LRRFIP2: variants seen among roughly 807,000 people sequenced by gnomAD.
LRRFIP2 encodes the protein leucine-rich repeat flightless-interacting protein 2.
Under a neutral mutation model 125.9 loss-of-function variants are expected in LRRFIP2, and 109 were observed. The observed-to-expected ratio is 0.87, with a 90% CI of 0.74 to 1.01. The LOEUF is 1.01. Ranked by LOEUF, LRRFIP2 falls within the 50% of genes least tolerant of loss-of-function variation. The pLI is 0.00. For synonymous variants in LRRFIP2, 291 were observed against 293.1 expected, an observed-to-expected ratio of 0.99 and a Z score of 0.07; for missense variants, 850 against 862.3, an observed-to-expected ratio of 0.99 and a Z score of 0.18.
intron 6 of LRRFIP2, among the ~76,000 whole-genome samples, chr3:37,116,628 T>C (rs2094801897): frequency 6.6e-6 from 1 of 152,114 alleles, no homozygotes; most frequent in Non-Finnish European, 1.5e-5. Context: ...TTTCTTGTTG[T>C]AGAGATCACA....
intron 13 of LRRFIP2, among the ~76,000 whole-genome samples, chr3:37,106,348 C>A (rs566745900): frequency 2.0e-5 from 3 of 152,174 alleles, no homozygotes; most frequent in Non-Finnish European, 4.4e-5. Flanking sequence ...ATGGCTCTGT[C>A]ATCTTCTTGC....
At chr3:37,160,117 G>A (rs2096296565) in intron 1 of LRRFIP2, among the ~76,000 whole-genome samples, 1 of 151,498 alleles carries the variant, frequency 6.6e-6, no homozygotes. Context: ...CTATTCTCCA[G>A]GATACCAGAA....
rs751724195 is a variant in LRRFIP2 at position 37,115,094 on chromosome 3, T to C, written c.332A>G (p.Tyr111Cys). ...TGATGATCTATCCTTGAACATATCA[T>C]ACTGGGTTTCAGCAAAACATGAAAG... Reference protein sequence around the residue: ...LSIRSVGSHRYDMFKDRSSRL... With the variant: ...LSIRSVGSHRCDMFKDRSSRL... The change falls in exon 7 of 28, where the codon TAT becomes TGT. Residue 111 changes from tyrosine to cysteine, a missense_variant and splice_region_variant. Physicochemically the swap from Tyr to Cys is radical, Grantham distance 194. Transcript: ENST00000336686. 5.7e-6 allele frequency: 9 copies of C among 1,591,932 alleles called. No homozygotes were observed. In the African/African-American group the frequency reaches 8.0e-5, roughly 14 times the overall value.
intron 2 of LRRFIP2, among the ~76,000 whole-genome samples, chr3:37,138,377 G>A (rs926856930): frequency 3.9e-5 from 6 of 152,222 alleles, no homozygotes; most frequent in African/African-American, 1.4e-4. Context: ...CAAGTAGGAG[G>A]AACCTATTCA....
intron 2 of LRRFIP2, chr3:37,135,005 G>A (rs2095521816): frequency 4.6e-6 from 7 of 1,519,538 alleles, no homozygotes; most frequent in Non-Finnish European, 5.5e-6. Flanking sequence ...TCCAAACCCA[G>A]ATGACCCCCT....
At chr3:37,156,075 A>G (rs2096181165) in intron 1 of LRRFIP2, among the ~76,000 whole-genome samples, 2 of 152,060 alleles carry the variant, frequency 1.3e-5, no homozygotes, top group African/African-American at 2.4e-5. Context: ...GGGCTACACC[A>G]TGTTAGCCAG....
chr3:37,087,592 CTT>C (rs764949237), intron 18 of LRRFIP2, among the ~76,000 whole-genome samples: 12 of 144,930 alleles, frequency 8.3e-5, no homozygotes, highest in East Asian at 2.0e-4. Context: ...TTAAATGCTT[CTT>C]TTTTTTTTTT....
intron 2 of LRRFIP2, among the ~76,000 whole-genome samples, chr3:37,130,596 A>C (rs1391254979): frequency 6.6e-6 from 1 of 152,224 alleles, no homozygotes; most frequent in Non-Finnish European, 1.5e-5. Flanking sequence ...AGAAATAAAC[A>C]ATTCATAAGT....
chr3:37,059,919 A>C (rs2088071962), intron 24 of LRRFIP2, among the ~76,000 whole-genome samples: 1 of 152,154 alleles, frequency 6.6e-6, no homozygotes, highest in South Asian at 2.1e-4. Context: ...CAATGGGAAA[A>C]GGGTAAGCTC....
At chr3:37,146,950 T>C (rs532778498) in intron 2 of LRRFIP2, among the ~76,000 whole-genome samples, 1 of 151,942 alleles carries the variant, frequency 6.6e-6, no homozygotes, top group Non-Finnish European at 1.5e-5. Flanking sequence ...GGGAGAAAAT[T>C]TTTGCAATCT....
At chr3:37,081,759 G>A (rs6550451) in intron 19 of LRRFIP2, among the ~76,000 whole-genome samples, 60,851 of 151,410 alleles carry the variant, frequency 0.4, 12,824 homozygotes, top group Non-Finnish European at 0.46. Context: ...GTGGTGGTAC[G>A]TGCCTGTAGT....
chr3:37,155,827 T>A (rs948850635), intron 1 of LRRFIP2, among the ~76,000 whole-genome samples: 6 of 152,162 alleles, frequency 3.9e-5, no homozygotes, highest in African/African-American at 1.4e-4. Context: ...AGATGGTAGG[T>A]ACATGAGTGT....
intron 25 of LRRFIP2, among the ~76,000 whole-genome samples, chr3:37,056,098 T>C (rs188016730): frequency 2.0e-5 from 3 of 152,318 alleles, no homozygotes; most frequent in Non-Finnish European, 4.4e-5. Context: ...CCTATGTACC[T>C]AGCCAAGTGC....
Position 37,109,576 on chromosome 3 carries a change from GA to G in LRRFIP2, c.565-6del. On this transcript the variant is annotated splice_polypyrimidine_tract_variant and splice_region_variant and intron_variant, in intron 10 of 27. Coordinates refer to ENST00000336686, the MANE Select transcript of LRRFIP2 (RefSeq NM_006309.4). The stretch of plus-strand genomic sequence containing the variant: ...AGAATTTGCAGTAGGAGAGGCCTAA[GA>G]AAAAAGTGTATTATTAAACCCCAAA... 2 of 1,613,822 alleles carry G rather than the reference GA, an allele frequency of 1.2e-6. No homozygotes were observed. Among genetic ancestry groups the G allele is most frequent in the Middle Eastern group, 1.6e-4 (1 of 6,062 alleles).
In LRRFIP2 at chr3:37,054,420, T is replaced by C; in HGVS notation, c.2046A>G (p.Leu682=). The stretch of plus-strand genomic sequence containing the variant: ...ATATTAAAAGAAGTACCTCTCGTTG[T>C]AGCTTCCGTTTTTCTGCTTTCAATT... ...EDELKAEKRK[L]QRELRTALDK... Residue 682 remains leucine (L), a synonymous_variant, in exon 27 of 28, where the codon CTA becomes CTG. Transcript: ENST00000336686. 1 of 1,612,900 alleles carries C rather than the reference T, an allele frequency of 6.2e-7. No individual in the cohort carries two copies. Among genetic ancestry groups the C allele is most frequent in the Non-Finnish European group, 8.5e-7 (1 of 1,179,010 alleles).
chr3:37,110,981 T>A lies in LRRFIP2; in HGVS notation c.513+10A>T. 4 of 1,612,314 alleles carry A rather than the reference T, an allele frequency of 2.5e-6. No individual in the cohort carries two copies. Among genetic ancestry groups the A allele is most frequent in the Non-Finnish European group, 3.4e-6 (4 of 1,179,286 alleles). ...ATCAAACACATAAAGCCAAAAAAGT[T>A]TAGACAAACCCGAGTGTAGTAGGCA... On this transcript the variant is annotated intron_variant, in intron 9 of 27. Coordinates refer to ENST00000336686, the MANE Select transcript of LRRFIP2 (RefSeq NM_006309.4).
In LRRFIP2 at chr3:37,136,231, T is replaced by C. The variant is rs77381507; in HGVS notation, c.91-7082A>G. 9.2e-3 allele frequency among the ~76,000 whole-genome samples: 1,397 copies of C among 152,220 alleles called. 25 individuals carry two copies. The highest frequency in any genetic ancestry group is 0.032 in the African/African-American group (1,330 of 41,516). On this transcript the variant is annotated intron_variant, in intron 2 of 27. Transcript: ENST00000336686. ...TTCAATTTATATGAAATGTCCAGAA[T>C]AGGCAAAAACATAAAGACAGAAAGT...
intron 1 of LRRFIP2, among the ~76,000 whole-genome samples, chr3:37,151,211 T>C (rs2096012623): frequency 6.6e-6 from 1 of 151,830 alleles, no homozygotes; most frequent in Non-Finnish European, 1.5e-5. Flanking sequence ...ATACAAAAAT[T>C]AGCTGGGCGA....
At chr3:37,098,278 T>TG (rs2093826659) in intron 15 of LRRFIP2, among the ~76,000 whole-genome samples, 1 of 150,434 alleles carries the variant, frequency 6.6e-6, no homozygotes, top group Non-Finnish European at 1.5e-5. Context: ...GCGATTGAAA[T>TG]GTTTTTTTTT....
Sources: gnomAD v4.1 joint callset for allele counts (sites outside exome capture counted in the v4.1 genomes callset) on GRCh38, gnomAD v4.1.1 for gene constraint, MANE v1.5 for transcripts, NCBI Gene and HGNC (gene_info 2026-07-23, HGNC 2026-07-21) for gene names.